The following UBE2N variants were observed in gnomAD, a reference collection of about 807,000 sequenced individuals.
The protein encoded by UBE2N is ubiquitin conjugating enzyme E2 N.
For missense variants in UBE2N, 60 were observed against 192.1 expected (o/e 0.31, Z 4.07); for synonymous variants, 70 against 69.2 (o/e 1.01, Z -0.06).
At chr12:93,423,025 C>T (rs866874518) in intron 1 of UBE2N, among the ~76,000 whole-genome samples, 2 of 152,190 alleles carry the variant, frequency 1.3e-5, no homozygotes, top group Non-Finnish European at 2.9e-5. Context: ...GCACTTCTTG[C>T]GCATCACAAG....
At chr12:93,431,716 T>C (rs1878778225) in intron 1 of UBE2N, among the ~76,000 whole-genome samples, 1 of 152,224 alleles carries the variant, frequency 6.6e-6, no homozygotes, top group Non-Finnish European at 1.5e-5. Context: ...ACACTTTGTT[T>C]GCCTAACAAT....
intron 1 of UBE2N, among the ~76,000 whole-genome samples, chr12:93,433,235 G>A (rs1337473286): frequency 2.0e-5 from 3 of 151,918 alleles, no homozygotes; most frequent in Non-Finnish European, 4.4e-5. Flanking sequence ...GCCTGGCCAG[G>A]ATTTTTAAAA....
intron 1 of UBE2N, among the ~76,000 whole-genome samples, chr12:93,434,384 C>G (rs1446319775): frequency 6.6e-6 from 1 of 152,200 alleles, no homozygotes; most frequent in Non-Finnish European, 1.5e-5. Flanking sequence ...TTTCCAGTCA[C>G]AGTCATTTAG....
chr12:93,427,696 T>A (rs1279972813), intron 1 of UBE2N, among the ~76,000 whole-genome samples: 2 of 152,122 alleles, frequency 1.3e-5, no homozygotes, highest in Non-Finnish European at 2.9e-5. Flanking sequence ...TGTGAATACA[T>A]GAAAAAACCA....
chr12:93,430,697 G>A (rs1487415001), intron 1 of UBE2N, among the ~76,000 whole-genome samples: 1 of 151,318 alleles, frequency 6.6e-6, no homozygotes, highest in Non-Finnish European at 1.5e-5. Flanking sequence ...AGGATCACTT[G>A]AGCCCAGGAG....
At chr12:93,410,341 C>CAGATA (rs1877996219) in intron 3 of UBE2N, 1 of 491,948 alleles carries the variant, frequency 2.0e-6, no homozygotes, top group Non-Finnish European at 3.6e-6. Flanking sequence ...ACAATTCTCC[C>CAGATA]CACTAATTTT....
At chr12:93,417,587 T>A (rs1003833010) in intron 1 of UBE2N, among the ~76,000 whole-genome samples, 3 of 152,242 alleles carry the variant, frequency 2.0e-5, no homozygotes, top group African/African-American at 4.8e-5. Context: ...TTTTTTAGAA[T>A]ATTCTCTGAA....
At chr12:93,440,535 G>T (rs1879067262) in intron 1 of UBE2N, among the ~76,000 whole-genome samples, 1 of 152,170 alleles carries the variant, frequency 6.6e-6, no homozygotes, top group South Asian at 2.1e-4. Context: ...AATGCAATTG[G>T]ATGAAGCAGT....
chr12:93,422,811 T>TTAA (rs1326440038), intron 1 of UBE2N, among the ~76,000 whole-genome samples: 1 of 152,212 alleles, frequency 6.6e-6, no homozygotes, highest in Non-Finnish European at 1.5e-5. Context: ...TTTGTCTATG[T>TTAA]TAACTATTAA....
intron 1 of UBE2N, among the ~76,000 whole-genome samples, chr12:93,428,860 C>G: frequency 6.6e-6 from 1 of 152,226 alleles, no homozygotes; most frequent in Non-Finnish European, 1.5e-5. Context: ...AAGGTCTGGC[C>G]AAGTACTTCT....
At chr12:93,425,550 G>C (rs1200699606) in intron 1 of UBE2N, among the ~76,000 whole-genome samples, 1 of 152,134 alleles carries the variant, frequency 6.6e-6, no homozygotes, top group Non-Finnish European at 1.5e-5. Flanking sequence ...AGTGTGTCTT[G>C]CATTTCTTAC....
chr12:93,437,836 C>A (rs1359033842), intron 1 of UBE2N, among the ~76,000 whole-genome samples: 1 of 152,132 alleles, frequency 6.6e-6, no homozygotes, highest in Admixed American at 6.5e-5. Flanking sequence ...AGCAGGGGAA[C>A]TGGAATGCTG....
intron 1 of UBE2N, among the ~76,000 whole-genome samples, chr12:93,431,568 T>G (rs555479465): frequency 6.6e-6 from 1 of 152,312 alleles, no homozygotes; most frequent in South Asian, 2.1e-4. Flanking sequence ...CTTAGAACAG[T>G]GCCTGGTACA....
intron 1 of UBE2N, among the ~76,000 whole-genome samples, chr12:93,424,105 T>G (rs1474266266): frequency 1.3e-5 from 2 of 152,200 alleles, no homozygotes. Context: ...AACAGTTTAA[T>G]ATGTTTACAT....
chr12:93,415,531 T>C (rs2121062781), intron 1 of UBE2N, among the ~76,000 whole-genome samples: 1 of 152,350 alleles, frequency 6.6e-6, no homozygotes, highest in South Asian at 2.1e-4. Flanking sequence ...ATGAAGCCTC[T>C]GACCTTGGGA....
intron 1 of UBE2N, among the ~76,000 whole-genome samples, chr12:93,435,376 G>A (rs1264008203): frequency 1.3e-5 from 2 of 152,176 alleles, no homozygotes; most frequent in Non-Finnish European, 2.9e-5. Flanking sequence ...GGGAGGCTGA[G>A]GCAGGAGAAT....
Position 93,441,869 on chromosome 12 carries a change from G to C in UBE2N, c.16C>G (p.Arg6Gly). The C allele has an allele frequency of 6.3e-7, 1 of 1,578,160 alleles. No homozygotes were observed. Among genetic ancestry groups the C allele is most frequent in the Non-Finnish European group, 8.6e-7 (1 of 1,164,876 alleles). MAGLP[R>G]RIIKETQRLL... Reference sequence around the variant, plus strand: ...TGGGCGGTTACCTTGATGATCCTGCGGGGCAGCCCGGCCATCTTGTCAGAA... The same window carrying C: ...TGGGCGGTTACCTTGATGATCCTGCCGGGCAGCCCGGCCATCTTGTCAGAA... The change falls in exon 1 of 4, where the codon CGC (arginine) becomes GGC (glycine). Residue 6 changes from arginine (R) to glycine (G), a missense_variant. Arg to Gly is a moderately radical substitution (Grantham distance 125). Coordinates refer to ENST00000318066, the MANE Select transcript of UBE2N (RefSeq NM_003348.4).
intron 1 of UBE2N, among the ~76,000 whole-genome samples, chr12:93,440,064 T>C (rs1879053762): frequency 6.6e-6 from 1 of 152,234 alleles, no homozygotes; most frequent in South Asian, 2.1e-4. Flanking sequence ...TGGGCATATC[T>C]TCATAATCAA....
At chr12:93,434,465 G>C (rs1878868175) in intron 1 of UBE2N, among the ~76,000 whole-genome samples, 1 of 152,126 alleles carries the variant, frequency 6.6e-6, no homozygotes, top group South Asian at 2.1e-4. Flanking sequence ...TGATCAATCT[G>C]GACTAAAGGA....
Sources: gnomAD v4.1 joint callset for allele counts (sites outside exome capture counted in the v4.1 genomes callset) on GRCh38, gnomAD v4.1.1 for gene constraint, MANE v1.5 for transcripts, NCBI Gene and HGNC (gene_info 2026-07-23, HGNC 2026-07-21) for gene names.